Variants in KIAA1549 observed in about 807,000 individuals in gnomAD.
KIAA1549 encodes the protein UPF0606 protein KIAA1549.
A neutral mutation model predicts 156.4 loss-of-function variants in KIAA1549; 70 were observed. That is an observed-to-expected ratio of 0.45 (90% CI 0.37 to 0.55). The LOEUF is 0.55. KIAA1549 is among the 20% of genes least tolerant of loss of function. KIAA1549 has a pLI of 0.00. For missense variants in KIAA1549, 2,428 were observed against 2,540.9 expected (o/e 0.96, Z 0.96); for synonymous variants, 1,103 against 1,066.4 (o/e 1.03, Z -0.67).
rs562481447 is a variant in KIAA1549 at position 138,969,521 on chromosome 7, ATTTG to A, written c.187+11558_187+11561del. On this transcript the variant is annotated intron_variant, in intron 1 of 19. Coordinates refer to ENST00000422774, the MANE Select transcript of KIAA1549 (RefSeq NM_001164665.2). ...GAATGGCTAGACCACATTTGCAAAA[ATTTG>A]TTTATTTTCAATTTTGTGCGTACAT... 3.2e-3 allele frequency among the ~76,000 whole-genome samples: 489 copies of A among 152,260 alleles called. 3 individuals are homozygous for A. The highest frequency in any genetic ancestry group is 5.7e-3 in the Non-Finnish European group (389 of 68,028).
intron 1 of KIAA1549, among the ~76,000 whole-genome samples, chr7:138,939,846 C>A (rs1218269488): frequency 2.0e-5 from 3 of 152,068 alleles, no homozygotes; most frequent in Admixed American, 6.5e-5. Flanking sequence ...TTTAAGCCTG[C>A]ATTAATTAAA....
At chr7:138,882,736 A>T (rs987813469) in intron 10 of KIAA1549, among the ~76,000 whole-genome samples, 7 of 152,206 alleles carry the variant, frequency 4.6e-5, no homozygotes, top group Non-Finnish European at 8.8e-5. Context: ...AAAGGGAACA[A>T]AGAATTTCTA....
At chr7:138,877,629 C>G (rs369397827) in intron 12 of KIAA1549, among the ~76,000 whole-genome samples, 1 of 152,156 alleles carries the variant, frequency 6.6e-6, no homozygotes, top group African/African-American at 2.4e-5. Context: ...TCTAATGGCA[C>G]CTTTCAAGAA....
intron 12 of KIAA1549, 49 bp from the exon 13 acceptor site, chr7:138,871,411 AC>A (rs1810935521): frequency 7.0e-7 from 1 of 1,438,078 alleles, no homozygotes; most frequent in Non-Finnish European, 9.3e-7. Context: ...ATCTAAAGAA[AC>A]AGCAACTAAT....
Position 138,894,397 on chromosome 7 carries a change from G to T in KIAA1549, c.3977C>A (p.Thr1326Lys). The change falls in exon 10 of 20, where the codon ACA becomes AAA. Residue 1326 changes from threonine (T) to lysine (K), a missense_variant. Thr to Lys is a moderately conservative substitution (Grantham distance 78, BLOSUM62 -1). Around this residue, in one of 5 missense-constraint regions of KIAA1549, gnomAD observed 762 missense variants for 901.6 expected, o/e 0.85. Coordinates refer to ENST00000422774, the MANE Select transcript of KIAA1549 (RefSeq NM_001164665.2). ...VVILYWKLCR[T>K]DKLDFQPDTV... is the part of the protein sequence containing the mutation. ...GTCAGGCTGAAAGTCTAGCTTGTCTGTGCGGCATAGTTTCCAGTAGAGGAT... is the reference window on the plus strand; with the variant it reads ...GTCAGGCTGAAAGTCTAGCTTGTCTTTGCGGCATAGTTTCCAGTAGAGGAT... The T allele has an allele frequency of 6.2e-7, 1 of 1,614,034 alleles. No individual in the cohort carries two copies. The highest frequency in any genetic ancestry group is 8.5e-7 in the Non-Finnish European group (1 of 1,179,902).
rs985436374 is a variant in KIAA1549, at chr7:138,954,192, G to T, written c.187+26891C>A. On this transcript the variant is annotated intron_variant, in intron 1 of 19. Coordinates refer to ENST00000422774, the MANE Select transcript of KIAA1549 (RefSeq NM_001164665.2). ...TTGCTAGAAGAATATGAAGCAGAGC[G>T]CATTCGTGCAATTTAATTCTATTGG... Among the ~76,000 whole-genome samples, 3 of 152,170 alleles carry T rather than the reference G, an allele frequency of 2.0e-5. No homozygotes were observed. In the South Asian group the frequency reaches 6.2e-4, roughly 31 times the overall value.
chr7:138,889,036 C>G (rs1434338782), intron 10 of KIAA1549, among the ~76,000 whole-genome samples: 1 of 152,202 alleles, frequency 6.6e-6, no homozygotes, highest in Non-Finnish European at 1.5e-5. Flanking sequence ...ATATACTAAA[C>G]AGTCATTTAA....
Position 138,832,851 on chromosome 7 carries a change from C to T in KIAA1549, c.*5055G>A, listed in dbSNP as rs147368161. On this transcript the variant is annotated 3_prime_UTR_variant, in exon 20 of 20. Coordinates refer to ENST00000422774, the MANE Select transcript of KIAA1549 (RefSeq NM_001164665.2). ...GTTTAAACACTGACAATCACCTCCA[C>T]GAATATCAAAAGAAACCCGAAATGC... The T allele has an allele frequency of 1.4e-4, 31 of 227,246 alleles. No homozygotes were observed. Among genetic ancestry groups the T allele is most frequent in the Middle Eastern group, 1.3e-3 (1 of 746 alleles). The allele number at this position is 227,246 out of a possible 1,614,324, so 14.1% of individuals were successfully genotyped here.
chr7:138,860,185 C>T (rs1810531781), intron 16 of KIAA1549, among the ~76,000 whole-genome samples: 1 of 152,156 alleles, frequency 6.6e-6, no homozygotes, highest in African/African-American at 2.4e-5. Flanking sequence ...GTTGTTGGAA[C>T]AAGCTATATT....
In KIAA1549 at chr7:138,836,397, G is replaced by A. The variant is rs1231859049; in HGVS notation, c.*1509C>T. ...GGTGTGTAGTAGGCTATACCATGTA[G>A]GTTGTGTAAGTACAATCTAGGATGT... On this transcript the variant is annotated 3_prime_UTR_variant, in exon 20 of 20. Coordinates refer to ENST00000422774, the MANE Select transcript of KIAA1549 (RefSeq NM_001164665.2). The A allele has an allele frequency of 4.7e-6, 1 of 214,628 alleles. No individual in the cohort carries two copies. The highest frequency in any genetic ancestry group is 9.4e-6 in the Non-Finnish European group (1 of 106,320). The allele number at this position is 214,628 out of a possible 1,614,324, so 13.3% of individuals were successfully genotyped here.
intron 1 of KIAA1549, among the ~76,000 whole-genome samples, chr7:138,936,019 A>G (rs181354148): frequency 6.6e-6 from 1 of 152,334 alleles, no homozygotes; most frequent in Non-Finnish European, 1.5e-5. Flanking sequence ...CTTTTTGACC[A>G]AAGTTATCCT....
intron 10 of KIAA1549, among the ~76,000 whole-genome samples, chr7:138,893,625 C>A (rs1359204121): frequency 6.6e-6 from 1 of 152,174 alleles, no homozygotes; most frequent in African/African-American, 2.4e-5. Context: ...ATGTATTGTT[C>A]GTTTTTAATG....
At chr7:138,869,788 C>T (rs766522197) in intron 13 of KIAA1549, 27 bp from the exon 14 acceptor site, 3 of 1,573,376 alleles carry the variant, frequency 1.9e-6, no homozygotes, top group Admixed American at 1.7e-5. Context: ...GAGAGAAAGA[C>T]AGCCATAGAG....
chr7:138,871,671 T>C (rs1810942291), intron 12 of KIAA1549, among the ~76,000 whole-genome samples: 2 of 152,230 alleles, frequency 1.3e-5, no homozygotes, highest in Admixed American at 6.5e-5. Context: ...AGAAAGAATA[T>C]AGGACAGAAG....
At position 138,937,221 on chromosome 7, in the gene KIAA1549, C is replaced by G. The variant is rs187446160; in HGVS notation, c.188-17783G>C. Among the ~76,000 whole-genome samples the G allele has an allele frequency of 5.9e-3, 904 of 152,178 alleles. 7 individuals are homozygous for G. Among genetic ancestry groups the G allele is most frequent in the African/African-American group, 0.02 (849 of 41,482 alleles). ...CCCGTAACTATCACACCCCAGAACC[C>G]CCTTTTCCATCTTCCCCAGAACCCT... On this transcript the variant is annotated intron_variant, in intron 1 of 19. Coordinates refer to ENST00000422774, the MANE Select transcript of KIAA1549 (RefSeq NM_001164665.2).
At chr7:138,976,315 G>A (rs548318872) in intron 1 of KIAA1549, among the ~76,000 whole-genome samples, 1 of 152,238 alleles carries the variant, frequency 6.6e-6, no homozygotes, top group East Asian at 1.9e-4. Context: ...GACCTCAGGT[G>A]ATCCCAAAGT....
chr7:138,933,731 CG>C, intron 1 of KIAA1549, among the ~76,000 whole-genome samples: 1 of 152,268 alleles, frequency 6.6e-6, no homozygotes, highest in South Asian at 2.1e-4. Flanking sequence ...TTTCAGAGGC[CG>C]GGGCAGGCGG....
intron 1 of KIAA1549, among the ~76,000 whole-genome samples, chr7:138,946,992 C>T (rs1372655767): frequency 6.6e-6 from 1 of 152,152 alleles, no homozygotes; most frequent in East Asian, 1.9e-4. Flanking sequence ...CAGCAGCCCC[C>T]ACTGCCAACG....
At chr7:138,921,026 C>T (rs1437452441) in intron 1 of KIAA1549, among the ~76,000 whole-genome samples, 1 of 152,228 alleles carries the variant, frequency 6.6e-6, no homozygotes, top group Non-Finnish European at 1.5e-5. Context: ...AGGGCAGTGA[C>T]TGGGGACCCA....
Sources: allele counts gnomAD v4.1 joint callset (sites outside exome capture counted in the v4.1 genomes callset), GRCh38; gene constraint gnomAD v4.1.1; regional missense constraint gnomAD v4.1.1; transcripts MANE v1.5; gene names NCBI Gene and HGNC (gene_info 2026-07-23, HGNC 2026-07-21).